The following CARMIL1 variants were observed in gnomAD, a reference collection of about 807,000 sequenced individuals.
CARMIL1 encodes the protein capping protein regulator and myosin 1 linker 1, also known as F-actin-uncapping protein LRRC16A.
In CARMIL1, 90 loss-of-function variants were observed where a neutral mutation model predicts 177.1. The observed-to-expected ratio is 0.51, with a 90% CI of 0.43 to 0.61. The LOEUF is 0.61. Ranked by LOEUF, CARMIL1 falls within the 20% of genes least tolerant of loss-of-function variation. CARMIL1 has a pLI of 0.00. For missense variants in CARMIL1, 1,380 were observed against 1,667.0 expected, an observed-to-expected ratio of 0.83 and a Z score of 3.00; for synonymous variants, 577 against 606.2, an observed-to-expected ratio of 0.95 and a Z score of 0.71.
intron 2 of CARMIL1, among the ~76,000 whole-genome samples, chr6:25,407,314 T>G (rs1794465023): frequency 6.6e-6 from 1 of 152,002 alleles, no homozygotes; most frequent in African/African-American, 2.4e-5. Context: ...TGTTTGGATA[T>G]TTAGAGATGG....
At chr6:25,529,580 G>A (rs897087776) in intron 24 of CARMIL1, among the ~76,000 whole-genome samples, 4 of 151,966 alleles carry the variant, frequency 2.6e-5, no homozygotes, top group Non-Finnish European at 5.9e-5. Context: ...ACAGCAGAGA[G>A]CTTTAAAAAA....
At chr6:25,388,471 A>G (rs974462220) in intron 2 of CARMIL1, among the ~76,000 whole-genome samples, 1 of 152,032 alleles carries the variant, frequency 6.6e-6, no homozygotes, top group African/African-American at 2.4e-5. Context: ...GGTTCAAGCA[A>G]TTCTGCCTCA....
chr6:25,465,688 T>C (rs1800539057), intron 8 of CARMIL1, 185 bp from the exon 9 acceptor site: 3 of 566,280 alleles, frequency 5.3e-6, no homozygotes, highest in Non-Finnish European at 9.4e-6. Context: ...GACAATTTAC[T>C]TCAACTTTTG....
At chr6:25,602,715 A>G (rs1398966326) in intron 33 of CARMIL1, among the ~76,000 whole-genome samples, 1 of 152,214 alleles carries the variant, frequency 6.6e-6, no homozygotes, top group Non-Finnish European at 1.5e-5. Context: ...CTAAAGTACC[A>G]TGACTGTATT....
Position 25,326,844 on chromosome 6 carries a change from G to A in CARMIL1, c.138+41935G>A, listed in dbSNP as rs932809772. ...ATTATTATTATTAATGTTTCAAGAC[G>A]GAATCCCACTGTCACCCAGGCTGGA... On this transcript the variant is annotated intron_variant, in intron 2 of 36. Coordinates refer to ENST00000329474, the MANE Select transcript of CARMIL1 (RefSeq NM_017640.6). The surrounding 1 kb of genome is among the most constrained non-coding windows in gnomAD (Gnocchi z 4.2). 6.6e-6 allele frequency among the ~76,000 whole-genome samples: 1 copy of A among 151,964 alleles called. No homozygotes were observed. Among genetic ancestry groups the A allele is most frequent in the Non-Finnish European group, 1.5e-5 (1 of 68,002 alleles).
chr6:25,437,904 C>T (rs999352771), intron 5 of CARMIL1, among the ~76,000 whole-genome samples: 8 of 152,182 alleles, frequency 5.3e-5, no homozygotes, highest in African/African-American at 1.7e-4. Context: ...TAGTTAGTCT[C>T]CCTGCTTCTA....
intron 3 of CARMIL1, among the ~76,000 whole-genome samples, chr6:25,420,778 G>A (rs147952354): frequency 3.3e-5 from 5 of 152,146 alleles, no homozygotes; most frequent in Middle Eastern, 3.2e-3. Flanking sequence ...TGCAGAATTC[G>A]AACTGATCGT....
chr6:25,610,027 T>G (rs753566670), intron 35 of CARMIL1, 23 bp from the exon 36 acceptor site: 5 of 1,608,522 alleles, frequency 3.1e-6, no homozygotes, highest in Non-Finnish European at 3.4e-6. Context: ...AACAGTTTGA[T>G]TCACGTGTTT....
At chr6:25,587,398 C>T (rs1813863637) in intron 31 of CARMIL1, among the ~76,000 whole-genome samples, 1 of 152,064 alleles carries the variant, frequency 6.6e-6, no homozygotes, top group African/African-American at 2.4e-5. Context: ...CAGTGTGTGT[C>T]TGGACAGAGG....
chr6:25,369,038 A>T (rs1790125455), intron 2 of CARMIL1, among the ~76,000 whole-genome samples: 1 of 152,252 alleles, frequency 6.6e-6, no homozygotes, highest in Admixed American at 6.5e-5. Context: ...ATTAGATCAC[A>T]TGTCTATTTC....
chr6:25,597,227 C>G (rs947452323), intron 32 of CARMIL1, among the ~76,000 whole-genome samples: 3 of 152,096 alleles, frequency 2.0e-5, no homozygotes, highest in Non-Finnish European at 4.4e-5. Context: ...AGAACTAATA[C>G]AGTCTCAGTA....
At chr6:25,356,132 A>G (rs995656966) in intron 2 of CARMIL1, among the ~76,000 whole-genome samples, 2 of 146,922 alleles carry the variant, frequency 1.4e-5, no homozygotes, top group African/African-American at 2.5e-5. Flanking sequence ...ATCTCGGCTC[A>G]CTGCAAGCTC....
chr6:25,302,610 C>T (rs546608731), intron 2 of CARMIL1, among the ~76,000 whole-genome samples: 13 of 152,314 alleles, frequency 8.5e-5, no homozygotes, highest in Admixed American at 5.2e-4. Flanking sequence ...ATTTTAAGCC[C>T]GAGCTGCTTT....
At chr6:25,411,915 G>A (rs1794937955) in intron 2 of CARMIL1, among the ~76,000 whole-genome samples, 1 of 152,160 alleles carries the variant, frequency 6.6e-6, no homozygotes. Context: ...AAAGAGTGGG[G>A]CTGGAGGAGA....
intron 4 of CARMIL1, among the ~76,000 whole-genome samples, chr6:25,429,062 A>G (rs1378623674): frequency 2.0e-5 from 3 of 152,162 alleles, no homozygotes; most frequent in Non-Finnish European, 4.4e-5. Flanking sequence ...CCATTGGTGG[A>G]GCAATTCCTA....
At chr6:25,550,406 T>G (rs192394510) in intron 26 of CARMIL1, among the ~76,000 whole-genome samples, 67 of 152,286 alleles carry the variant, frequency 4.4e-4, no homozygotes, top group African/African-American at 1.6e-3. Context: ...TGGCAGTAGT[T>G]TCTGTGATTT....
chr6:25,456,229 A>G (rs1261216556), intron 8 of CARMIL1, among the ~76,000 whole-genome samples: 2 of 152,234 alleles, frequency 1.3e-5, no homozygotes, highest in Non-Finnish European at 2.9e-5. Context: ...CTACTGCACT[A>G]AAACCCGTAA....
chr6:25,434,974 A>G (rs1165594421), intron 4 of CARMIL1, among the ~76,000 whole-genome samples: 3 of 152,208 alleles, frequency 2.0e-5, no homozygotes, highest in Non-Finnish European at 2.9e-5. Context: ...GGTAGCTTTT[A>G]GATTGCCTAT....
intron 1 of CARMIL1, 96 bp from the exon 2 acceptor site, chr6:25,284,713 GACA>G (rs1781398689): frequency 2.9e-6 from 2 of 688,376 alleles, no homozygotes; most frequent in South Asian, 1.8e-5. Context: ...TGTCTCAAAA[GACA>G]ACAACAGTAA....
Sources: gnomAD v4.1 joint callset for allele counts (sites outside exome capture counted in the v4.1 genomes callset) on GRCh38, gnomAD v4.1.1 for gene constraint, Gnocchi (gnomAD v3.1) non-coding constraint, MANE v1.5 for transcripts, NCBI Gene and HGNC (gene_info 2026-07-23, HGNC 2026-07-21) for gene names.